Variants in RPF1 observed in about 807,000 individuals in gnomAD.
RPF1 encodes ribosome production factor 1 homolog.
A neutral mutation model predicts 41.9 loss-of-function variants in RPF1; 34 were observed. The observed-to-expected ratio is 0.81, with a 90% CI of 0.62 to 1.08. The LOEUF is 1.08. RPF1 is among the 50% of genes least tolerant of loss of function. The pLI, the probability that RPF1 is intolerant of heterozygous loss-of-function variation, is 0.00. For missense variants in RPF1, 425 were observed against 435.2 expected (o/e 0.98, Z 0.21); for synonymous variants, 140 against 148.9 (o/e 0.94, Z 0.43).
chr1:84,482,873 T>C (rs777893791), intron 2 of RPF1, 42 bp from the exon 3 acceptor site: 3 of 1,218,336 alleles, frequency 2.5e-6, no homozygotes, highest in East Asian at 4.7e-5. Flanking sequence ...ATATAATTAA[T>C]GTAAAATCCT....
rs564908240 is a variant in RPF1 at position 84,492,192 on chromosome 1, T to C, written c.616+1720T>C. Among the ~76,000 whole-genome samples, 5 of 151,920 alleles carry C rather than the reference T, an allele frequency of 3.3e-5. No individual in the cohort carries two copies. In the South Asian group the frequency reaches 1.0e-3, roughly 32 times the overall value. On this transcript the variant is annotated intron_variant, in intron 5 of 8. Transcript: ENST00000370654. Reference sequence around the variant, plus strand: ...AAAAATGGTGATTATCCTAGAGACTTAGCATGGGTTCAGGAATAAAAATCA... The same window carrying C: ...AAAAATGGTGATTATCCTAGAGACTCAGCATGGGTTCAGGAATAAAAATCA...
At chr1:84,489,859 C>T (rs1681800971) in intron 4 of RPF1, 131 bp downstream of exon 4, 1 of 609,564 alleles carries the variant, frequency 1.6e-6, no homozygotes, top group East Asian at 2.8e-5. Context: ...GTAAATAAAA[C>T]GTAGCTCTGG....
chr1:84,489,861 T>C, intron 4 of RPF1, 133 bp downstream of exon 4: 3 of 608,228 alleles, frequency 4.9e-6, no homozygotes, highest in Non-Finnish European at 8.8e-6. Flanking sequence ...AAATAAAACG[T>C]AGCTCTGGTA....
At position 84,482,956 on chromosome 1, in the gene RPF1, A is replaced by G; in HGVS notation, c.327A>G (p.Arg109=). 6.2e-7 allele frequency: 1 copy of G among 1,612,282 alleles called. No individual in the cohort carries two copies. Among genetic ancestry groups the G allele is most frequent in the South Asian group, 1.1e-5 (1 of 91,038 alleles). Residue 109 remains arginine (R), a synonymous_variant, in exon 3 of 9, where the codon CGA becomes CGG. Transcript: ENST00000370654. The stretch of plus-strand genomic sequence containing the variant: ...TACCCAAGACCATTGACAACCAGCG[A>G]GTGTATGATGAAACCACAGTAGACC... ...KPVPKTIDNQ[R]VYDETTVDPN...
At position 84,493,844 on chromosome 1, in the gene RPF1, CTG is replaced by C. The variant is rs541664799; in HGVS notation, c.617-1526_617-1525del. Among the ~76,000 whole-genome samples the C allele has an allele frequency of 6.0e-4, 92 of 152,300 alleles. 1 individual carries two copies. Among genetic ancestry groups the C allele is most frequent in the African/African-American group, 2.0e-3 (84 of 41,554 alleles). On this transcript the variant is annotated intron_variant, in intron 5 of 8. Coordinates refer to ENST00000370654, the MANE Select transcript of RPF1 (RefSeq NM_025065.7). ...GGATTCACATATATAGTACATAAGA[CTG>C]TGAGTACCTACCAGTTAGGAAACAG...
chr1:84,483,378 T>C, intron 3 of RPF1: 1 of 172,026 alleles, frequency 5.8e-6, no homozygotes, highest in South Asian at 1.4e-4. Context: ...GCAATTCTTC[T>C]GCCTCAGCCT....
chr1:84,492,135 T>C (rs1311608485), intron 5 of RPF1, among the ~76,000 whole-genome samples: 2 of 148,972 alleles, frequency 1.3e-5, no homozygotes, highest in African/African-American at 5.1e-5. Flanking sequence ...CACTCCAGCC[T>C]GGGTGACAGG....
rs530914746 is a variant in RPF1 at position 84,480,361 on chromosome 1, A to G, written c.229-595A>G. On this transcript the variant is annotated intron_variant, in intron 1 of 8. Transcript: ENST00000370654. ...ATCAGTAGGTGCTGGGGAAAAAAGA[A>G]TATTTTTTATTTTGTCAAGCATTCT... Among the ~76,000 whole-genome samples the G allele has an allele frequency of 2.0e-5, 3 of 152,344 alleles. No homozygotes were observed. The South Asian group carries it at 6.2e-4, about 32-fold the overall frequency.
intron 6 of RPF1, 83 bp downstream of exon 6, chr1:84,495,538 A>G: frequency 6.1e-6 from 4 of 653,868 alleles, no homozygotes. Flanking sequence ...TTATAGCTCT[A>G]ATTTATTTTA....
In RPF1 at chr1:84,497,413, T is replaced by C. The variant is rs754960935; in HGVS notation, c.1009-16T>C. The C allele has an allele frequency of 6.2e-6, 10 of 1,608,124 alleles. No homozygotes were observed. The South Asian group carries it at 1.1e-4, about 18-fold the overall frequency. The stretch of plus-strand genomic sequence containing the variant: ...GTTTTGTTTTCTTCCTCCACTCCCT[T>C]GCTTTCCACTTTCAGCCCCGGGAAA... On this transcript the variant is annotated splice_polypyrimidine_tract_variant and intron_variant, in intron 8 of 8. Coordinates refer to ENST00000370654, the MANE Select transcript of RPF1 (RefSeq NM_025065.7).
At chr1:84,483,263 T>C (rs533057292) in intron 3 of RPF1, 9 of 400,918 alleles carry the variant, frequency 2.2e-5, no homozygotes, top group East Asian at 1.9e-4. Flanking sequence ...GTTTTGTTTT[T>C]GTTTTTGTTT....
At position 84,492,347 on chromosome 1, in the gene RPF1, G is replaced by A. The variant is rs535031560; in HGVS notation, c.616+1875G>A. On this transcript the variant is annotated intron_variant, in intron 5 of 8. Coordinates refer to ENST00000370654, the MANE Select transcript of RPF1 (RefSeq NM_025065.7). ...GGCTACTGTGTGGAAGAGTAGTGCT[G>A]AATGGTGAAAGTTAAAGGGATATAC... 6.6e-5 allele frequency among the ~76,000 whole-genome samples: 10 copies of A among 152,282 alleles called. No individual in the cohort carries two copies. The East Asian group carries it at 1.9e-3, about 29-fold the overall frequency.
chr1:84,497,420 C>T lies in RPF1; in HGVS notation c.1009-9C>T, dbSNP rs529082465. On this transcript the variant is annotated splice_polypyrimidine_tract_variant and intron_variant, in intron 8 of 8. Transcript: ENST00000370654. Reference sequence around the variant, plus strand: ...TTTCTTCCTCCACTCCCTTGCTTTCCACTTTCAGCCCCGGGAAATGGATAC... The same window carrying T: ...TTTCTTCCTCCACTCCCTTGCTTTCTACTTTCAGCCCCGGGAAATGGATAC... 2.5e-6 allele frequency: 4 copies of T among 1,608,682 alleles called. No homozygotes were observed. The highest frequency in any genetic ancestry group is 4.5e-5 in the East Asian group (2 of 44,666).
At chr1:84,490,287 C>G in intron 4 of RPF1, 32 bp from the exon 5 acceptor site, 1 of 1,440,066 alleles carries the variant, frequency 6.9e-7, no homozygotes, top group Non-Finnish European at 9.3e-7. Flanking sequence ...TTTTTGAAAA[C>G]TATTCAAAAT....
intron 6 of RPF1, 44 bp downstream of exon 6, chr1:84,495,499 ATATT>A (rs776874826): frequency 7.2e-6 from 6 of 834,540 alleles, no homozygotes; most frequent in Non-Finnish European, 9.8e-6. Flanking sequence ...TCTCTTCACA[ATATT>A]TATTTGATCA....
chr1:84,482,750 C>G (rs1355086367), intron 2 of RPF1, among the ~76,000 whole-genome samples, 165 bp from the exon 3 acceptor site: 1 of 147,016 alleles, frequency 6.8e-6, no homozygotes, highest in Non-Finnish European at 1.5e-5. Context: ...AAAAAAAAAG[C>G]CTCTTATTCA....
chr1:84,483,972 C>G (rs892925324), intron 3 of RPF1, among the ~76,000 whole-genome samples: 1 of 152,168 alleles, frequency 6.6e-6, no homozygotes, highest in African/African-American at 2.4e-5. Context: ...CACACACATA[C>G]ACATACACAC....
chr1:84,490,983 C>T (rs1412620073), intron 5 of RPF1, among the ~76,000 whole-genome samples: 4 of 152,132 alleles, frequency 2.6e-5, no homozygotes, highest in Non-Finnish European at 4.4e-5. Context: ...AAAGGGCTGA[C>T]CTAGTTGGGG....
intron 2 of RPF1, among the ~76,000 whole-genome samples, chr1:84,481,242 G>A (rs146698771): frequency 0.012 from 1,772 of 152,278 alleles, 12 homozygotes; most frequent in Non-Finnish European, 0.017. Flanking sequence ...TTTTCCCTCC[G>A]AAGATAACCA....
Sources: allele counts gnomAD v4.1 joint callset (sites outside exome capture counted in the v4.1 genomes callset), GRCh38; gene constraint gnomAD v4.1.1; transcripts MANE v1.5; gene names NCBI Gene and HGNC (gene_info 2026-07-23, HGNC 2026-07-21).